The following GPAT3 variants were observed in gnomAD, a reference collection of about 807,000 sequenced individuals.
The protein encoded by GPAT3 is glycerol-3-phosphate acyltransferase 3.
GPAT3 carries 53 observed loss-of-function variants against 58.8 expected under a neutral mutation model. That is an observed-to-expected ratio of 0.90 (90% CI 0.72 to 1.13). GPAT3 has a LOEUF of 1.13. GPAT3 is among the 50% of genes most tolerant of loss of function. The pLI is 0.00. For synonymous variants in GPAT3, 197 were observed against 187.4 expected (o/e 1.05, Z -0.42); for missense variants, 511 against 527.6 (o/e 0.97, Z 0.31).
intron 2 of GPAT3, among the ~76,000 whole-genome samples, chr4:83,576,471 TC>T (rs1358504347): frequency 1.1e-3 from 164 of 151,014 alleles, no homozygotes; most frequent in African/African-American, 3.7e-3. Context: ...TGAGACAGAG[TC>T]CCACTCTGTC....
intron 1 of GPAT3, among the ~76,000 whole-genome samples, chr4:83,540,226 C>T (rs1419486078): frequency 6.6e-6 from 1 of 150,752 alleles, no homozygotes; most frequent in Non-Finnish European, 1.5e-5. Flanking sequence ...GGACAGCTAC[C>T]TTTTTCCCTC....
chr4:83,542,549 T>C (rs1488671510), intron 1 of GPAT3, among the ~76,000 whole-genome samples: 1 of 152,270 alleles, frequency 6.6e-6, no homozygotes, highest in Non-Finnish European at 1.5e-5. Context: ...CGTAGTCAGA[T>C]ATCATGCGTT....
At chr4:83,582,706 A>T (rs146404516) in intron 3 of GPAT3, among the ~76,000 whole-genome samples, 57 of 152,286 alleles carry the variant, frequency 3.7e-4, no homozygotes, top group African/African-American at 1.3e-3. Flanking sequence ...TGCCTCATTC[A>T]GATTTATTAC....
chr4:83,575,191 A>G (rs4693092), intron 2 of GPAT3, among the ~76,000 whole-genome samples: 33,797 of 151,800 alleles, frequency 0.22, 3,968 homozygotes, highest in East Asian at 0.31. Flanking sequence ...ACATTTCTTG[A>G]TGCCAAAACA....
intron 2 of GPAT3, among the ~76,000 whole-genome samples, chr4:83,572,811 C>T (rs1725653963): frequency 6.6e-6 from 1 of 152,178 alleles, no homozygotes; most frequent in Non-Finnish European, 1.5e-5. Context: ...AAAGGAGTCG[C>T]TGTGAAATGA....
chr4:83,597,937 CTT>C, intron 9 of GPAT3, 112 bp from the exon 10 acceptor site: 1 of 1,229,658 alleles, frequency 8.1e-7, no homozygotes, highest in East Asian at 2.5e-5. Context: ...AGTGAAATAA[CTT>C]TTTTTTTCTT....
intron 11 of GPAT3, among the ~76,000 whole-genome samples, chr4:83,601,401 A>G (rs550422958): frequency 6.6e-6 from 1 of 152,358 alleles, no homozygotes; most frequent in South Asian, 2.1e-4. Context: ...AGTTTCTGAT[A>G]TCCATTATGC....
At chr4:83,569,436 C>T (rs113170631) in intron 2 of GPAT3, among the ~76,000 whole-genome samples, 12 of 152,294 alleles carry the variant, frequency 7.9e-5, no homozygotes, top group East Asian at 5.8e-4. Flanking sequence ...GCCTGGCTGA[C>T]GGTCCAGGTT....
At chr4:83,577,261 G>C (rs953534610) in intron 2 of GPAT3, among the ~76,000 whole-genome samples, 2 of 151,798 alleles carry the variant, frequency 1.3e-5, no homozygotes, top group Non-Finnish European at 3.0e-5. Context: ...AAAATGACTT[G>C]ACATGTAAAT....
intron 2 of GPAT3, among the ~76,000 whole-genome samples, chr4:83,575,350 A>G (rs778194531): frequency 3.3e-5 from 5 of 152,210 alleles, no homozygotes; most frequent in Non-Finnish European, 5.9e-5. Flanking sequence ...AATAGTCAAC[A>G]TATCTCAGGA....
At chr4:83,596,611 G>A (rs939769652) in intron 7 of GPAT3, among the ~76,000 whole-genome samples, 1 of 151,898 alleles carries the variant, frequency 6.6e-6, no homozygotes, top group Non-Finnish European at 1.5e-5. Context: ...GAAAGAGTGA[G>A]ACCCCATCCC....
At chr4:83,563,686 G>T (rs1233580960) in intron 2 of GPAT3, among the ~76,000 whole-genome samples, 1 of 151,664 alleles carries the variant, frequency 6.6e-6, no homozygotes, top group Non-Finnish European at 1.5e-5. Flanking sequence ...TTGCTATGTT[G>T]GCCAGGCTGG....
intron 7 of GPAT3, among the ~76,000 whole-genome samples, chr4:83,596,584 T>G (rs1205345825): frequency 1.3e-5 from 2 of 152,062 alleles, no homozygotes; most frequent in Non-Finnish European, 2.9e-5. Context: ...ATCATGCCAC[T>G]GCACTCCAGC....
rs1378222630 is a variant in GPAT3 at position 83,573,311 on chromosome 4, G to A, written c.209-8251G>A. ...TTGCCACTATGCCTGGCTAATTTTT[G>A]TATTTTTAGTAGAGATGGGGTTTCA... On this transcript the variant is annotated intron_variant, in intron 2 of 11. Transcript: ENST00000264409. 7.2e-5 allele frequency among the ~76,000 whole-genome samples: 11 copies of A among 152,024 alleles called. 1 individual carries two copies. The highest frequency in any genetic ancestry group is 7.2e-4 in the Admixed American group (11 of 15,270).
At chr4:83,574,415 T>C (rs1278544987) in intron 2 of GPAT3, among the ~76,000 whole-genome samples, 1 of 152,154 alleles carries the variant, frequency 6.6e-6, no homozygotes, top group Non-Finnish European at 1.5e-5. Flanking sequence ...GCCTTTCGTA[T>C]CTGGTATTAT....
At chr4:83,554,189 CATT>C (rs1286533428) in intron 2 of GPAT3, among the ~76,000 whole-genome samples, 2 of 152,012 alleles carry the variant, frequency 1.3e-5, no homozygotes, top group Admixed American at 6.6e-5. Flanking sequence ...GGCGGGGTCT[CATT>C]ATGTTGTCCA....
intron 3 of GPAT3, 118 bp downstream of exon 3, chr4:83,581,950 A>G (rs1726152434): frequency 7.4e-7 from 1 of 1,352,310 alleles, no homozygotes. Context: ...CCACGTAGGA[A>G]ATGCCACCAA....
At chr4:83,574,551 G>C (rs558947281) in intron 2 of GPAT3, among the ~76,000 whole-genome samples, 1 of 146,596 alleles carries the variant, frequency 6.8e-6, no homozygotes, top group Non-Finnish European at 1.5e-5. Flanking sequence ...CTTGGTGAAA[G>C]CATTTGGTGT....
rs1296717856 is a variant in GPAT3, at chr4:83,553,075, G to A, written c.208+8473G>A. On this transcript the variant is annotated intron_variant, in intron 2 of 11. Transcript: ENST00000264409. Reference sequence around the variant, plus strand: ...GTTTTTTGTAAGCTACCCAGGCTATGGCACTCTGTTATAGCAGCCTGAAGT... The same window carrying A: ...GTTTTTTGTAAGCTACCCAGGCTATAGCACTCTGTTATAGCAGCCTGAAGT... Among the ~76,000 whole-genome samples the A allele has an allele frequency of 2.0e-5, 3 of 152,204 alleles. No homozygotes were observed. The East Asian group carries it at 5.8e-4, about 29-fold the overall frequency.
Sources: gnomAD v4.1 joint callset for allele counts (sites outside exome capture counted in the v4.1 genomes callset) on GRCh38, gnomAD v4.1.1 for gene constraint, MANE v1.5 for transcripts, NCBI Gene and HGNC (gene_info 2026-07-23, HGNC 2026-07-21) for gene names.